CCSER1: variants seen among roughly 807,000 people sequenced by gnomAD.
The protein encoded by CCSER1 is serine-rich coiled-coil domain-containing protein 1.
A neutral mutation model predicts 82.0 loss-of-function variants in CCSER1; 41 were observed. The ratio of observed to expected loss-of-function variants is 0.50; its 90% CI spans 0.39 to 0.65. The LOEUF (loss-of-function observed/expected upper bound fraction) is 0.65, where lower values mean the gene tolerates loss of function less well. Among genes scored for constraint, CCSER1 ranks in the 30% least tolerant of loss-of-function variants. CCSER1 has a pLI of 0.00. For synonymous variants in CCSER1, 414 were observed against 383.9 expected, an observed-to-expected ratio of 1.08 and a Z score of -0.92; for missense variants, 1,119 against 1,064.2, an observed-to-expected ratio of 1.05 and a Z score of -0.72.
chr4:91,392,371 A>ACACACACACACG (rs1751715181), intron 10 of CCSER1, among the ~76,000 whole-genome samples: 1 of 37,726 alleles, frequency 2.7e-5, no homozygotes, highest in South Asian at 1.2e-3. Flanking sequence ...ATGCACACAC[A>ACACACACACACG]CACACACACA....
chr4:91,045,274 A>G lies in CCSER1; in HGVS notation c.2173-40676A>G, dbSNP rs1270851058. 2.0e-5 allele frequency among the ~76,000 whole-genome samples: 3 copies of G among 152,336 alleles called. No homozygotes were observed. In the East Asian group the frequency reaches 5.8e-4, roughly 29 times the overall value. ...ATTTTAAAAATTTAGTTGTTAAAAT[A>G]GATTTATTAATATGTGAAAATGTTC... On this transcript the variant is annotated intron_variant, in intron 9 of 10. Coordinates refer to ENST00000509176, the MANE Select transcript of CCSER1 (RefSeq NM_001145065.2).
chr4:90,717,771 GTA>G (rs1165238745), intron 6 of CCSER1, among the ~76,000 whole-genome samples: 1 of 147,314 alleles, frequency 6.8e-6, no homozygotes, highest in Non-Finnish European at 1.5e-5. Flanking sequence ...CATATATAGT[GTA>G]TATATATGTG....
chr4:91,376,682 CATAAAA>C (rs1332015941), intron 10 of CCSER1, among the ~76,000 whole-genome samples: 1 of 151,798 alleles, frequency 6.6e-6, no homozygotes, highest in African/African-American at 2.4e-5. Context: ...AATGGGCAAA[CATAAAA>C]ATAATAATTG....
chr4:91,471,364 T>G (rs527424642), intron 10 of CCSER1, among the ~76,000 whole-genome samples: 22 of 152,326 alleles, frequency 1.4e-4, no homozygotes, highest in African/African-American at 5.3e-4. Context: ...CCCAAATGAA[T>G]TGCTGGACCC....
intron 5 of CCSER1, among the ~76,000 whole-genome samples, chr4:90,563,861 A>G (rs1453132280): frequency 6.6e-6 from 1 of 152,150 alleles, no homozygotes; most frequent in African/African-American, 2.4e-5. Flanking sequence ...GAGATTCCAT[A>G]CTGTTTTCTA....
At chr4:90,390,980 TG>T (rs558173279) in intron 3 of CCSER1, among the ~76,000 whole-genome samples, 20 of 151,840 alleles carry the variant, frequency 1.3e-4, no homozygotes, top group African/African-American at 4.6e-4. Flanking sequence ...GTGGCCCTTC[TG>T]GGCTGGGCAT....
intron 5 of CCSER1, among the ~76,000 whole-genome samples, chr4:90,580,701 C>T (rs1047948058): frequency 2.6e-5 from 4 of 152,120 alleles, no homozygotes; most frequent in Admixed American, 6.6e-5. Context: ...GTTGAGTTAA[C>T]CTTTATGTTG....
intron 1 of CCSER1, among the ~76,000 whole-genome samples, chr4:90,181,811 T>A (rs1733782715): frequency 1.3e-5 from 2 of 152,322 alleles, no homozygotes; most frequent in South Asian, 4.1e-4. Context: ...ACTCAGCTGG[T>A]GAGTCAGCTG....
At chr4:91,221,083 T>C (rs1034288137) in intron 10 of CCSER1, among the ~76,000 whole-genome samples, 1 of 152,106 alleles carries the variant, frequency 6.6e-6, no homozygotes, top group African/African-American at 2.4e-5. Flanking sequence ...GAGATAAAAA[T>C]ATATAACATT....
At chr4:90,952,599 G>T (rs1026519660) in intron 9 of CCSER1, among the ~76,000 whole-genome samples, 2 of 151,992 alleles carry the variant, frequency 1.3e-5, no homozygotes, top group African/African-American at 4.8e-5. Flanking sequence ...CTATCTCATA[G>T]AATTCCTTTT....
intron 8 of CCSER1, among the ~76,000 whole-genome samples, chr4:90,916,133 A>C (rs1358362050): frequency 1.3e-5 from 2 of 152,130 alleles, no homozygotes; most frequent in Non-Finnish European, 2.9e-5. Context: ...CAAGCTACCA[A>C]TGACTTTCCT....
chr4:91,559,215 A>C (rs1423219219), intron 10 of CCSER1, among the ~76,000 whole-genome samples: 1 of 151,598 alleles, frequency 6.6e-6, no homozygotes, highest in African/African-American at 2.4e-5. Context: ...TCAGTGTGTT[A>C]AGCACTAATT....
chr4:91,483,357 T>C (rs1034808729), intron 10 of CCSER1, among the ~76,000 whole-genome samples: 1 of 152,070 alleles, frequency 6.6e-6, no homozygotes, highest in African/African-American at 2.4e-5. Flanking sequence ...ACTAGAAAAA[T>C]ATGTCCTCTC....
At chr4:90,158,373 G>C (rs1292863445) in intron 1 of CCSER1, among the ~76,000 whole-genome samples, 2 of 152,198 alleles carry the variant, frequency 1.3e-5, no homozygotes, top group Admixed American at 1.3e-4. Context: ...CAGATCTCCA[G>C]CTGCGTGCTG....
intron 10 of CCSER1, among the ~76,000 whole-genome samples, chr4:91,109,103 C>A (rs1725876775): frequency 6.6e-6 from 1 of 152,142 alleles, no homozygotes; most frequent in East Asian, 1.9e-4. Flanking sequence ...ACACCCCCAC[C>A]CCATTCTTAG....
chr4:90,969,290 G>A (rs1389304287), intron 9 of CCSER1, among the ~76,000 whole-genome samples: 2 of 151,886 alleles, frequency 1.3e-5, no homozygotes, highest in Admixed American at 6.6e-5. Flanking sequence ...GAACATCCAC[G>A]TTCATGAAGT....
At chr4:90,265,504 A>G (rs1401532541) in intron 1 of CCSER1, among the ~76,000 whole-genome samples, 3 of 151,938 alleles carry the variant, frequency 2.0e-5, no homozygotes, top group Non-Finnish European at 4.4e-5. Flanking sequence ...ACTTGATTAC[A>G]TTAAAATAGT....
intron 6 of CCSER1, among the ~76,000 whole-genome samples, chr4:90,642,699 T>A (rs1726760429): frequency 6.6e-6 from 1 of 152,028 alleles, no homozygotes. Flanking sequence ...TAGGTGGATG[T>A]AGAGGCACAC....
At chr4:91,018,736 C>T (rs1739661414) in intron 9 of CCSER1, among the ~76,000 whole-genome samples, 1 of 151,934 alleles carries the variant, frequency 6.6e-6, no homozygotes, top group South Asian at 2.1e-4. Context: ...TGAACCCCCT[C>T]TGCTTGATAT....
Sources: allele counts gnomAD v4.1 joint callset (sites outside exome capture counted in the v4.1 genomes callset), GRCh38; gene constraint gnomAD v4.1.1; transcripts MANE v1.5; gene names NCBI Gene and HGNC (gene_info 2026-07-23, HGNC 2026-07-21).